The following NRXN2 variants were observed in gnomAD, a reference collection of about 807,000 sequenced individuals.
NRXN2 encodes the protein neurexin 2.
Under a neutral mutation model 128.8 loss-of-function variants are expected in NRXN2, and 29 were observed. The ratio of observed to expected loss-of-function variants is 0.23; its 90% CI spans 0.17 to 0.31. The LOEUF is 0.31. Among genes scored for constraint, NRXN2 ranks in the 10% least tolerant of loss-of-function variants. NRXN2 has a pLI of 1.00. For synonymous variants in NRXN2, 1,098 were observed against 1,075.2 expected, an observed-to-expected ratio of 1.02 and a Z score of -0.41; for missense variants, 1,881 against 2,452.6, an observed-to-expected ratio of 0.77 and a Z score of 4.92.
intron 5 of NRXN2, among the ~76,000 whole-genome samples, chr11:64,686,567 C>T (rs1424770679): frequency 6.6e-6 from 1 of 152,192 alleles, no homozygotes; most frequent in Non-Finnish European, 1.5e-5. Flanking sequence ...GAAGGCGATG[C>T]AGGTGACAGG....
At chr11:64,702,633 A>G (rs759725728) in intron 2 of NRXN2, among the ~76,000 whole-genome samples, 1 of 151,958 alleles carries the variant, frequency 6.6e-6, no homozygotes, top group Non-Finnish European at 1.5e-5. Context: ...ACCACTCCCT[A>G]ATCTCAAGTA....
At chr11:64,671,146 G>A (rs551671757) in intron 7 of NRXN2, among the ~76,000 whole-genome samples, 10 of 152,182 alleles carry the variant, frequency 6.6e-5, no homozygotes, top group South Asian at 4.2e-4. Context: ...CTCCCTACCC[G>A]GAAAGGGCTG....
Position 64,623,249 on chromosome 11 carries a change from G to A in NRXN2, c.3848-171C>T. On this transcript the variant is annotated intron_variant, in intron 20 of 22. Coordinates refer to ENST00000265459, the MANE Select transcript of NRXN2 (RefSeq NM_015080.4). The surrounding 1 kb of genome is among the most constrained non-coding windows in gnomAD (Gnocchi z 4.9). ...GAAGGGGCAGAAAGCCAAAGGGAAA[G>A]TCCTTGTCAGCCACAGCCCCTAGCC... is the stretch of plus-strand genomic sequence containing the variant. 1 of 1,185,282 alleles carries A rather than the reference G, an allele frequency of 8.4e-7. No individual in the cohort carries two copies. The highest frequency in any genetic ancestry group is 1.6e-5 in the South Asian group (1 of 62,180). 73.4% of individuals were successfully genotyped at this position (1,185,282 alleles called of 1,614,324 possible).
At chr11:64,662,781 C>CAA (rs905489109) in intron 9 of NRXN2, among the ~76,000 whole-genome samples, 15 of 142,342 alleles carry the variant, frequency 1.1e-4, no homozygotes, top group Non-Finnish European at 2.2e-4. Flanking sequence ...GATTCTGTCT[C>CAA]AAAAAAAAAA....
At position 64,630,867 on chromosome 11, in the gene NRXN2, T is replaced by C. The variant is rs548231142; in HGVS notation, c.3586-294A>G. ...ACAAGTATTCACAGAGCACCTACTC[T>C]GTGCAAGGGCCACTGGGCCCAGACA... On this transcript the variant is annotated intron_variant, in intron 18 of 22. Coordinates refer to ENST00000265459, the MANE Select transcript of NRXN2 (RefSeq NM_015080.4). The surrounding 1 kb of genome is among the most constrained non-coding windows in gnomAD (Gnocchi z 4.6). Among the ~76,000 whole-genome samples the C allele has an allele frequency of 6.6e-6, 1 of 152,320 alleles. No individual in the cohort carries two copies. The highest frequency in any genetic ancestry group is 1.9e-4 in the East Asian group (1 of 5,180).
At chr11:64,708,799 T>A (rs2056597991) in intron 2 of NRXN2, among the ~76,000 whole-genome samples, 1 of 152,200 alleles carries the variant, frequency 6.6e-6, no homozygotes, top group Admixed American at 6.5e-5. Context: ...ATCTAAAAGC[T>A]TTTCCAAATT....
intron 22 of NRXN2, 107 bp downstream of exon 22, chr11:64,620,187 G>A: frequency 1.2e-6 from 1 of 833,592 alleles, no homozygotes; most frequent in Non-Finnish European, 2.0e-6. Context: ...GAAAGCTAAG[G>A]CCTGGCAGCA....
At chr11:64,719,978 G>A (rs759851633) in intron 1 of NRXN2, among the ~76,000 whole-genome samples, 19 of 152,208 alleles carry the variant, frequency 1.2e-4, no homozygotes, top group South Asian at 2.1e-4. Context: ...AGAGTGCTTC[G>A]CACAAGGCCA....
chr11:64,712,917 C>T, intron 2 of NRXN2, 53 bp downstream of exon 2: 4 of 1,459,862 alleles, frequency 2.7e-6, no homozygotes, highest in Middle Eastern at 2.4e-4. Flanking sequence ...ACGAAGCGCC[C>T]CAGGCCCTCA....
At chr11:64,673,582 T>C (rs1351486631) in intron 7 of NRXN2, among the ~76,000 whole-genome samples, 1 of 152,232 alleles carries the variant, frequency 6.6e-6, no homozygotes, top group Non-Finnish European at 1.5e-5. Flanking sequence ...TATCAGTCAG[T>C]ATTGCTCATG....
In NRXN2 at chr11:64,622,814, G is replaced by A; in HGVS notation, c.4112C>T (p.Thr1371Ile). 1 of 1,612,826 alleles carries A rather than the reference G, an allele frequency of 6.2e-7. No homozygotes were observed. Among genetic ancestry groups the A allele is most frequent in the Non-Finnish European group, 8.5e-7 (1 of 1,179,972 alleles). Residue 1371 changes from threonine (T) to isoleucine (I), a missense_variant, in exon 21 of 23, where the codon ACC (threonine) becomes ATC (isoleucine). Coordinates refer to ENST00000265459, the MANE Select transcript of NRXN2 (RefSeq NM_015080.4). The surrounding 1 kb of genome is among the most constrained non-coding windows in gnomAD (Gnocchi z 4.3). ...MATTIMETTTTMATTTTRRGR... is the reference protein window; with the variant it reads ...MATTIMETTTIMATTTTRRGR... ...CCGGCGCGTGGTGGTAGTGGCCATG[G>A]TGGTGGTAGTCTCCATGATGGTGGT...
chr11:64,675,760 C>T (rs1236853871), intron 7 of NRXN2: 1 of 153,620 alleles, frequency 6.5e-6, no homozygotes, highest in Non-Finnish European at 1.5e-5. Flanking sequence ...TCTCCACAGT[C>T]CACCTCCACA....
At chr11:64,617,394 T>C (rs2041705146) in intron 22 of NRXN2, among the ~76,000 whole-genome samples, 1 of 152,176 alleles carries the variant, frequency 6.6e-6, no homozygotes. Flanking sequence ...ATATGTGGGT[T>C]GGGCCAGCTG....
At chr11:64,642,708 A>C in intron 17 of NRXN2, 1 of 1,481,718 alleles carries the variant, frequency 6.7e-7, no homozygotes, top group Non-Finnish European at 9.0e-7. Context: ...GCGGCAGCAG[A>C]GGTGGCGGCG....
At chr11:64,692,911 A>G (rs1342094914) in intron 3 of NRXN2, 35 bp from the exon 4 acceptor site, 1 of 1,561,152 alleles carries the variant, frequency 6.4e-7, no homozygotes, top group Admixed American at 1.7e-5. Flanking sequence ...AAAGAAAGAA[A>G]AAAAGAAGAA....
At chr11:64,722,690 C>T (rs1175059670) in intron 1 of NRXN2, among the ~76,000 whole-genome samples, 1 of 145,676 alleles carries the variant, frequency 6.9e-6, no homozygotes, top group East Asian at 2.2e-4. Context: ...CCTCTGGATG[C>T]CCCTCCTCTC....
chr11:64,643,315 C>G (rs1390955917), intron 17 of NRXN2: 2 of 956,820 alleles, frequency 2.1e-6, no homozygotes, highest in Admixed American at 7.9e-5. Flanking sequence ...CCGCTGCTGC[C>G]GCTGCCGCCC....
At chr11:64,615,468 G>A (rs997279846) in intron 22 of NRXN2, among the ~76,000 whole-genome samples, 5 of 152,254 alleles carry the variant, frequency 3.3e-5, no homozygotes, top group African/African-American at 9.6e-5. Context: ...GTGACTCTGT[G>A]GAGTTAAGCC....
intron 2 of NRXN2, among the ~76,000 whole-genome samples, chr11:64,711,489 C>T (rs1300557222): frequency 1.3e-5 from 2 of 152,178 alleles, no homozygotes; most frequent in East Asian, 1.9e-4. Flanking sequence ...CCTCAGCGCC[C>T]CCTGCCCCCC....
Sources: allele counts gnomAD v4.1 joint callset (sites outside exome capture counted in the v4.1 genomes callset), GRCh38; gene constraint gnomAD v4.1.1; non-coding constraint Gnocchi (gnomAD v3.1); transcripts MANE v1.5; gene names NCBI Gene and HGNC (gene_info 2026-07-23, HGNC 2026-07-21).